SHANK2: variants seen among roughly 807,000 people sequenced by gnomAD.
SHANK2 encodes SH3 and multiple ankyrin repeat domains protein 2.
In SHANK2, 43 loss-of-function variants were observed where a neutral mutation model predicts 133.7. That is an observed-to-expected ratio of 0.32 (90% CI 0.25 to 0.41). The LOEUF (loss-of-function observed/expected upper bound fraction) is 0.41, where lower values mean the gene tolerates loss of function less well. Ranked by LOEUF, SHANK2 falls within the 10% of genes least tolerant of loss-of-function variation. The probability of loss-of-function intolerance (pLI) is 1.00; values close to 1 mark genes in which losing one functional copy is unlikely to be tolerated. For missense variants in SHANK2, 1,994 were observed against 2,235.8 expected (o/e 0.89, Z 2.18); for synonymous variants, 1,017 against 952.8 (o/e 1.07, Z -1.24).
rs57958435 is a variant in SHANK2 at position 70,515,599 on chromosome 11, T to A, written c.2062-12668A>T. On this transcript the variant is annotated intron_variant, in intron 17 of 25. Coordinates refer to ENST00000601538, the MANE Select transcript of SHANK2 (RefSeq NM_012309.5). ...GGACGATTGCTTGAAGCCAGGAGTT[T>A]GAGACCTGCTGGGCAGCATAGTGAG... 2.8e-3 allele frequency among the ~76,000 whole-genome samples: 383 copies of A among 137,340 alleles called. 1 individual carries two copies. Among genetic ancestry groups the A allele is most frequent in the African/African-American group, 9.7e-3 (350 of 35,958 alleles). The allele number at this position is 137,340 out of a possible 152,430, so 90.1% of individuals were successfully genotyped here.
rs146094461 is a variant in SHANK2, at chr11:70,842,057, C to A, written c.1175-21375G>T. On this transcript the variant is annotated intron_variant, in intron 11 of 25. Coordinates refer to ENST00000601538, the MANE Select transcript of SHANK2 (RefSeq NM_012309.5). ...AGACCTTGTCTCTCTCTACTCCACACGCCCTGAAGCCTGGATGGGTGTCAC... is the reference window on the plus strand; with the variant it reads ...AGACCTTGTCTCTCTCTACTCCACAAGCCCTGAAGCCTGGATGGGTGTCAC... 8.0e-3 allele frequency among the ~76,000 whole-genome samples: 1,219 copies of A among 152,306 alleles called. 23 individuals carry two copies. Among genetic ancestry groups the A allele is most frequent in the African/African-American group, 0.028 (1,180 of 41,562 alleles).
At chr11:70,610,013 G>C (rs1200034780) in intron 17 of SHANK2, among the ~76,000 whole-genome samples, 1 of 151,750 alleles carries the variant, frequency 6.6e-6, no homozygotes, top group Non-Finnish European at 1.5e-5. Flanking sequence ...CATCCATAGA[G>C]ACAGAAAGCT....
At chr11:70,709,794 G>T (rs1301753117) in intron 14 of SHANK2, among the ~76,000 whole-genome samples, 1 of 152,080 alleles carries the variant, frequency 6.6e-6, no homozygotes, top group Non-Finnish European at 1.5e-5. Flanking sequence ...CCTGGCGAGC[G>T]AGTCCATGTG....
intron 2 of SHANK2, among the ~76,000 whole-genome samples, chr11:71,211,401 G>A (rs530177612): frequency 3.2e-4 from 48 of 151,874 alleles, no homozygotes; most frequent in Non-Finnish European, 6.2e-4. Context: ...AGCCAGGCAT[G>A]GTAGTGTGTG....
chr11:70,910,169 A>C (rs554042391), intron 10 of SHANK2, among the ~76,000 whole-genome samples: 23 of 152,238 alleles, frequency 1.5e-4, no homozygotes, highest in South Asian at 8.3e-4. Flanking sequence ...TCCCATCTCC[A>C]ACTACAGTCA....
Position 70,601,166 on chromosome 11 carries a change from C to T in SHANK2, c.2061+58662G>A, listed in dbSNP as rs143505444. On this transcript the variant is annotated intron_variant, in intron 17 of 25. Transcript: ENST00000601538. ...TCCTGGGTTTAAGCGATTCTCATGCCTCAGCCTCCTGAGTAGCTGGGACTA... is the reference window on the plus strand; with the variant it reads ...TCCTGGGTTTAAGCGATTCTCATGCTTCAGCCTCCTGAGTAGCTGGGACTA... Among the ~76,000 whole-genome samples, 1,007 of 152,212 alleles carry T rather than the reference C, an allele frequency of 6.6e-3. 16 individuals carry two copies. The highest frequency in any genetic ancestry group is 0.024 in the African/African-American group (979 of 41,498).
At chr11:70,651,048 G>A (rs1324883957) in intron 17 of SHANK2, among the ~76,000 whole-genome samples, 2 of 152,172 alleles carry the variant, frequency 1.3e-5, no homozygotes, top group African/African-American at 4.8e-5. Flanking sequence ...CAAGAAATGA[G>A]CAACCTGCCC....
intron 3 of SHANK2, 120 bp from the exon 4 acceptor site, chr11:71,119,152 C>A: frequency 1.3e-6 from 1 of 756,444 alleles, no homozygotes; most frequent in Non-Finnish European, 2.1e-6. Context: ...TTCCTCTGAG[C>A]AGTGAACCCA....
intron 25 of SHANK2, among the ~76,000 whole-genome samples, chr11:70,477,939 C>T (rs1478456712): frequency 6.6e-6 from 1 of 152,226 alleles, no homozygotes; most frequent in Non-Finnish European, 1.5e-5. Flanking sequence ...ACACAGGAAT[C>T]TGCTGCCCTG....
At position 70,880,363 on chromosome 11, in the gene SHANK2, G is replaced by A. The variant is rs557334719; in HGVS notation, c.1174+16138C>T. 2.6e-5 allele frequency among the ~76,000 whole-genome samples: 4 copies of A among 152,320 alleles called. No homozygotes were observed. In the South Asian group the frequency reaches 6.2e-4, roughly 24 times the overall value. On this transcript the variant is annotated intron_variant, in intron 11 of 25. Coordinates refer to ENST00000601538, the MANE Select transcript of SHANK2 (RefSeq NM_012309.5). ...TTCGGGGGCTGCTGGAAGAGTCTAC[G>A]AAGAAAGTTGGGGAGATGGATGGAG...
intron 17 of SHANK2, among the ~76,000 whole-genome samples, chr11:70,621,449 T>C (rs1053749361): frequency 1.3e-5 from 2 of 152,162 alleles, no homozygotes; most frequent in African/African-American, 4.8e-5. Flanking sequence ...CTGGCCTGGC[T>C]CCTGCCTCTG....
intron 17 of SHANK2, among the ~76,000 whole-genome samples, chr11:70,534,877 A>G (rs1332909062): frequency 6.6e-6 from 1 of 152,108 alleles, no homozygotes; most frequent in Non-Finnish European, 1.5e-5. Flanking sequence ...CCGAGAGTGC[A>G]GTCAGGCCAT....
In SHANK2 at chr11:70,592,624, T is replaced by A. The variant is rs536219910; in HGVS notation, c.2061+67204A>T. ...GTCTGCACCCCCCGTTGAGGGCAAA[T>A]GTGTGCAGCCCTGGTCCTGGCCTGC... On this transcript the variant is annotated intron_variant, in intron 17 of 25. Coordinates refer to ENST00000601538, the MANE Select transcript of SHANK2 (RefSeq NM_012309.5). Among the ~76,000 whole-genome samples, 41 of 151,962 alleles carry A rather than the reference T, an allele frequency of 2.7e-4. No individual in the cohort carries two copies. In the East Asian group the frequency reaches 6.8e-3, roughly 25 times the overall value.
intron 14 of SHANK2, among the ~76,000 whole-genome samples, chr11:70,757,315 C>A (rs1555039147): frequency 6.6e-6 from 1 of 152,222 alleles, no homozygotes; most frequent in East Asian, 1.9e-4. Context: ...AAAGGGATAA[C>A]AACCATATCA....
chr11:71,236,334 C>T (rs1468220193), intron 1 of SHANK2, among the ~76,000 whole-genome samples: 11 of 152,234 alleles, frequency 7.2e-5, no homozygotes, highest in Admixed American at 3.3e-4. Flanking sequence ...TGAGGGCGGG[C>T]GTGGTGGCTC....
At chr11:71,100,695 C>T (rs1469344612) in intron 6 of SHANK2, among the ~76,000 whole-genome samples, 5 of 151,972 alleles carry the variant, frequency 3.3e-5, no homozygotes, top group Non-Finnish European at 5.9e-5. Flanking sequence ...AGTGAAACCC[C>T]GTCTCTACTA....
intron 11 of SHANK2, among the ~76,000 whole-genome samples, chr11:70,869,686 T>C (rs1350029971): frequency 6.6e-6 from 1 of 152,112 alleles, no homozygotes; most frequent in East Asian, 1.9e-4. Flanking sequence ...TTGGGCACCC[T>C]GGGCTCGGTG....
intron 17 of SHANK2, among the ~76,000 whole-genome samples, chr11:70,649,780 G>A (rs1417941997): frequency 6.6e-6 from 1 of 152,218 alleles, no homozygotes; most frequent in Non-Finnish European, 1.5e-5. Flanking sequence ...GGGGCTGGGT[G>A]TACAGCATCC....
rs563501360 is a variant in SHANK2 at position 71,100,341 on chromosome 11, G to A, written c.593-5653C>T. 3.1e-4 allele frequency among the ~76,000 whole-genome samples: 47 copies of A among 152,320 alleles called. 1 individual carries two copies. The highest frequency in any genetic ancestry group is 1.0e-3 in the African/African-American group (42 of 41,562). On this transcript the variant is annotated intron_variant, in intron 6 of 25. Coordinates refer to ENST00000601538, the MANE Select transcript of SHANK2 (RefSeq NM_012309.5). The stretch of plus-strand genomic sequence containing the variant: ...AGTGTTTACAGCAGCTTTATTCATC[G>A]TTGCCAAAAATGGCAAACAATCCAG...
Sources: allele counts gnomAD v4.1 joint callset (sites outside exome capture counted in the v4.1 genomes callset), GRCh38; gene constraint gnomAD v4.1.1; transcripts MANE v1.5; gene names NCBI Gene and HGNC (gene_info 2026-07-23, HGNC 2026-07-21).